CGGBP1: variants seen among roughly 807,000 people sequenced by gnomAD.
CGGBP1 encodes the protein CGG triplet repeat-binding protein 1.
Under a neutral mutation model 11.4 loss-of-function variants are expected in CGGBP1, and 4 were observed. The observed-to-expected ratio is 0.35, with a 90% CI of 0.17 to 0.80. The LOEUF (loss-of-function observed/expected upper bound fraction) is 0.80. Among genes scored for constraint, CGGBP1 ranks in the 30% least tolerant of loss-of-function variants. The pLI, the probability that CGGBP1 is intolerant of heterozygous loss-of-function variation, is 0.52. For synonymous variants in CGGBP1, 76 were observed against 74.1 expected (o/e 1.03, Z -0.13); for missense variants, 135 against 202.1 (o/e 0.67, Z 2.01).
At chr3:88,079,541 T>G (rs543694033) in intron 2 of CGGBP1, among the ~76,000 whole-genome samples, 38 of 152,148 alleles carry the variant, frequency 2.5e-4, no homozygotes, top group African/African-American at 8.9e-4. Flanking sequence ...AAGTTATCTG[T>G]AAAGTTAAGT....
At chr3:88,127,694 C>T (rs1706203162) in intron 2 of CGGBP1, among the ~76,000 whole-genome samples, 1 of 152,082 alleles carries the variant, frequency 6.6e-6, no homozygotes, top group African/African-American at 2.4e-5. Context: ...CTAGAATAAA[C>T]CTGTTGTTCG....
At chr3:88,126,769 G>A (rs1375241776) in intron 2 of CGGBP1, among the ~76,000 whole-genome samples, 2 of 151,968 alleles carry the variant, frequency 1.3e-5, no homozygotes, top group African/African-American at 2.4e-5. Flanking sequence ...AGTATTTGTT[G>A]ATTGAATGAA....
chr3:88,062,419 GA>G (rs1470043655), upstream of CGGBP1, among the ~76,000 whole-genome samples: 2 of 152,176 alleles, frequency 1.3e-5, no homozygotes, highest in East Asian at 3.8e-4. Context: ...AAAGGAAAAA[GA>G]AGTTACTGGA....
rs538504530 is a variant in CGGBP1, at chr3:88,108,152, T to A, written c.-229+32818A>T. Among the ~76,000 whole-genome samples the A allele has an allele frequency of 2.0e-5, 3 of 152,066 alleles. No homozygotes were observed. The South Asian group carries it at 6.2e-4, about 31-fold the overall frequency. On this transcript the variant is annotated intron_variant, in intron 2 of 3. Transcript: ENST00000462901. ...TCTTGGCTTGAGAATTTTTTGACCA[T>A]GTAGGTATATGAATTCAGGTCACGA... is the stretch of plus-strand genomic sequence containing the variant.
chr3:88,070,267 A>G (rs1239348085), intron 2 of CGGBP1, among the ~76,000 whole-genome samples: 1 of 152,186 alleles, frequency 6.6e-6, no homozygotes, highest in Non-Finnish European at 1.5e-5. Context: ...AATGTAATGA[A>G]TGAAAATAGG....
At chr3:88,131,275 A>G (rs368173109) in intron 2 of CGGBP1, among the ~76,000 whole-genome samples, 1 of 152,226 alleles carries the variant, frequency 6.6e-6, no homozygotes, top group South Asian at 2.1e-4. Flanking sequence ...CCACTGTTGT[A>G]TACGCAGTCT....
At chr3:88,089,331 A>T (rs1343383307) in intron 2 of CGGBP1, among the ~76,000 whole-genome samples, 1 of 151,750 alleles carries the variant, frequency 6.6e-6, no homozygotes, top group Non-Finnish European at 1.5e-5. Flanking sequence ...CTCTACTAAA[A>T]ATACAAAAAA....
chr3:88,096,078 C>T (rs1344082021), intron 2 of CGGBP1: 1 of 164,660 alleles, frequency 6.1e-6, no homozygotes, highest in Non-Finnish European at 1.3e-5. Flanking sequence ...GGGTCTAGGG[C>T]TTGGCAGACT....
intron 2 of CGGBP1, among the ~76,000 whole-genome samples, chr3:88,093,938 T>TA (rs1419446206): frequency 6.6e-6 from 1 of 152,192 alleles, no homozygotes; most frequent in African/African-American, 2.4e-5. Context: ...CTAGTACTCT[T>TA]ACTCCTGACT....
At chr3:88,098,563 A>T (rs1032576729) in intron 2 of CGGBP1, among the ~76,000 whole-genome samples, 8 of 152,220 alleles carry the variant, frequency 5.3e-5, no homozygotes, top group African/African-American at 1.9e-4. Context: ...CTTGATGAAC[A>T]TTGATGCAAA....
chr3:88,072,963 T>TA (rs1438494397), intron 2 of CGGBP1, among the ~76,000 whole-genome samples: 5 of 57,082 alleles, frequency 8.8e-5, no homozygotes, highest in Non-Finnish European at 5.3e-5. Context: ...ACTTGACTCT[T>TA]AAAAAAATTG....
chr3:88,123,566 C>A (rs1172163327), intron 2 of CGGBP1, among the ~76,000 whole-genome samples: 15 of 152,100 alleles, frequency 9.9e-5, no homozygotes, highest in Non-Finnish European at 2.2e-4. Context: ...AATTCTGATT[C>A]AGTAGGTCTA....
intron 2 of CGGBP1, among the ~76,000 whole-genome samples, chr3:88,137,773 C>T (rs1706886506): frequency 6.6e-6 from 1 of 152,008 alleles, no homozygotes; most frequent in African/African-American, 2.4e-5. Flanking sequence ...TAAAGTCTGC[C>T]TGTGGGAACT....
At chr3:88,145,671 A>G (rs1366697411) in intron 1 of CGGBP1, among the ~76,000 whole-genome samples, 1 of 152,198 alleles carries the variant, frequency 6.6e-6, no homozygotes, top group African/African-American at 2.4e-5. Context: ...ACAGGGACAG[A>G]TGTTTTAACT....
At chr3:88,147,551 A>G (rs1267978385) in intron 1 of CGGBP1, among the ~76,000 whole-genome samples, 3 of 152,210 alleles carry the variant, frequency 2.0e-5, no homozygotes, top group Admixed American at 6.5e-5. Context: ...ACAAGGTTGT[A>G]TATCTACACT....
intron 2 of CGGBP1, among the ~76,000 whole-genome samples, chr3:88,088,775 T>TGGAC (rs1221072857): frequency 2.0e-5 from 3 of 151,650 alleles, no homozygotes; most frequent in Non-Finnish European, 4.4e-5. Context: ...GATGGATGGA[T>TGGAC]GGATGGATGG....
intron 2 of CGGBP1, chr3:88,086,478 TGAA>T: frequency 8.0e-7 from 1 of 1,254,720 alleles, no homozygotes; most frequent in South Asian, 2.2e-5. Context: ...TAATTTCTTC[TGAA>T]GAAGAAACCT....
Position 88,052,530 on chromosome 3 carries a change from A to G in CGGBP1, c.*2943T>C, listed in dbSNP as rs943933236. On this transcript the variant is annotated 3_prime_UTR_variant, in exon 4 of 4. Coordinates refer to ENST00000482016, the MANE Select transcript of CGGBP1 (RefSeq NM_001008390.2). ...ATTCATGTGCAAATTCTTACAGGCAAAAGTTTTAACGTGGAAGTTTCAGCT... is the reference window on the plus strand; with the variant it reads ...ATTCATGTGCAAATTCTTACAGGCAGAAGTTTTAACGTGGAAGTTTCAGCT... 2 of 152,632 alleles carry G rather than the reference A, an allele frequency of 1.3e-5. No homozygotes were observed. The highest frequency in any genetic ancestry group is 4.8e-5 in the African/African-American group (2 of 41,446). 9.5% of individuals were successfully genotyped at this position (152,632 alleles called of 1,614,324 possible).
rs532245984 is a variant in CGGBP1, at chr3:88,053,709, C to G, written c.*1764G>C. The stretch of plus-strand genomic sequence containing the variant: ...CTCAATTATTCCTAGCTTCTAAAAT[C>G]TACCATCTTAGATAGTTCAAATTAA... On this transcript the variant is annotated 3_prime_UTR_variant, in exon 4 of 4. Transcript: ENST00000482016. The G allele has an allele frequency of 6.0e-4, 91 of 152,678 alleles. No individual in the cohort carries two copies. Among genetic ancestry groups the G allele is most frequent in the African/African-American group, 2.2e-3 (90 of 41,564 alleles). The allele number at this position is 152,678 out of a possible 1,614,324, so 9.5% of individuals were successfully genotyped here.
Sources: gnomAD v4.1 joint callset for allele counts (sites outside exome capture counted in the v4.1 genomes callset) on GRCh38, gnomAD v4.1.1 for gene constraint, MANE v1.5 for transcripts, NCBI Gene and HGNC (gene_info 2026-07-23, HGNC 2026-07-21) for gene names.